Variants in SLC8A1 observed in about 807,000 individuals in gnomAD.
The protein encoded by SLC8A1 is solute carrier family 8 member A1.
In SLC8A1, 18 loss-of-function variants were observed where a neutral mutation model predicts 68.3. That is an observed-to-expected ratio of 0.26 (90% confidence interval 0.18 to 0.39). The LOEUF (loss-of-function observed/expected upper bound fraction) is 0.39, where lower values mean the gene tolerates loss of function less well. SLC8A1 is among the 10% of genes least tolerant of loss of function. SLC8A1 has a pLI of 1.00. For missense variants in SLC8A1, 985 were observed against 1,156.7 expected (o/e 0.85, Z 2.15); for synonymous variants, 475 against 415.5 (o/e 1.14, Z -1.74).
intron 6 of SLC8A1, among the ~76,000 whole-genome samples, chr2:40,157,524 C>G (rs1001449870): frequency 3.3e-5 from 5 of 152,166 alleles, no homozygotes; most frequent in African/African-American, 1.2e-4. Context: ...CATCCTGGTT[C>G]CCTTTATCCA....
At chr2:40,507,390 A>C (rs1706441662) in intron 1 of SLC8A1, among the ~76,000 whole-genome samples, 1 of 152,026 alleles carries the variant, frequency 6.6e-6, no homozygotes, top group South Asian at 2.1e-4. Context: ...ACACTTTGGA[A>C]ATGTTAGTTC....
chr2:40,274,443 G>T (rs368761777), intron 2 of SLC8A1, among the ~76,000 whole-genome samples: 1 of 152,098 alleles, frequency 6.6e-6, no homozygotes, highest in African/African-American at 2.4e-5. Flanking sequence ...GCCATGGAAT[G>T]GGGCTGTCTC....
upstream of SLC8A1, among the ~76,000 whole-genome samples, chr2:40,455,104 T>C (rs1322519519): frequency 2.0e-5 from 3 of 152,186 alleles, no homozygotes. Context: ...GGGATATCAC[T>C]AAGATTTGAT....
At chr2:40,310,277 G>T (rs1421884625) in intron 2 of SLC8A1, among the ~76,000 whole-genome samples, 1 of 152,164 alleles carries the variant, frequency 6.6e-6, no homozygotes, top group Non-Finnish European at 1.5e-5. Context: ...GCACATTTAC[G>T]GTGTAGCCCT....
chr2:40,159,230 T>C (rs576112685), intron 6 of SLC8A1, among the ~76,000 whole-genome samples: 1 of 152,362 alleles, frequency 6.6e-6, no homozygotes, highest in East Asian at 1.9e-4. Flanking sequence ...TACTTTAATG[T>C]ATCTGTCTGA....
chr2:40,348,935 G>A (rs969097980), intron 2 of SLC8A1, among the ~76,000 whole-genome samples: 1 of 152,150 alleles, frequency 6.6e-6, no homozygotes, highest in African/African-American at 2.4e-5. Flanking sequence ...CAGAATAAAT[G>A]AATCTTCCCA....
intron 2 of SLC8A1, among the ~76,000 whole-genome samples, chr2:40,380,732 T>C (rs1681469334): frequency 6.6e-6 from 1 of 152,082 alleles, no homozygotes; most frequent in Non-Finnish European, 1.5e-5. Context: ...TGAGCAATGA[T>C]GGTCCACACT....
At chr2:40,464,168 T>G (rs1043886687) in intron 1 of SLC8A1, among the ~76,000 whole-genome samples, 5 of 152,138 alleles carry the variant, frequency 3.3e-5, no homozygotes, top group African/African-American at 1.2e-4. Flanking sequence ...GTGCTGGGAT[T>G]ACAGGCTTAA....
intron 1 of SLC8A1, among the ~76,000 whole-genome samples, chr2:40,437,926 G>A (rs1699741855): frequency 2.0e-5 from 3 of 152,076 alleles, no homozygotes. Context: ...AGTCCCTTCT[G>A]TGGAAACCAG....
At chr2:40,307,424 A>C (rs1056580990) in intron 2 of SLC8A1, among the ~76,000 whole-genome samples, 2 of 152,178 alleles carry the variant, frequency 1.3e-5, no homozygotes, top group African/African-American at 4.8e-5. Flanking sequence ...ACAGTGTTTT[A>C]ATTTTGTAAG....
intron 1 of SLC8A1, among the ~76,000 whole-genome samples, chr2:40,499,999 C>A (rs1014025547): frequency 3.3e-5 from 5 of 152,040 alleles, no homozygotes; most frequent in Non-Finnish European, 5.9e-5. Context: ...GAGATCAGAA[C>A]AACCTTGAGA....
chr2:40,398,885 T>C (rs546210475), intron 2 of SLC8A1, among the ~76,000 whole-genome samples: 1 of 152,324 alleles, frequency 6.6e-6, no homozygotes, highest in African/African-American at 2.4e-5. Flanking sequence ...AGCAACAGAT[T>C]CTGATGTTTG....
chr2:40,164,311 C>T lies in SLC8A1; in HGVS notation c.2061+543G>A, dbSNP rs141534036. 3.9e-5 allele frequency among the ~76,000 whole-genome samples: 6 copies of T among 152,292 alleles called. No individual in the cohort carries two copies. In the East Asian group the frequency reaches 5.8e-4, roughly 15 times the overall value. On this transcript the variant is annotated intron_variant, in intron 5 of 7. Transcript: ENST00000406785. Reference sequence around the variant, plus strand: ...ATTTTATCAGCTCAACTGTAAACTCCGGTTGCAGGCACTCTGCATTCGGTA... The same window carrying T: ...ATTTTATCAGCTCAACTGTAAACTCTGGTTGCAGGCACTCTGCATTCGGTA...
chr2:40,142,482 T>C (rs2041764054), intron 6 of SLC8A1, among the ~76,000 whole-genome samples: 3 of 152,204 alleles, frequency 2.0e-5, no homozygotes, highest in African/African-American at 7.2e-5. Flanking sequence ...TCACAGGGCA[T>C]ATGAATAAAA....
chr2:40,316,080 C>T (rs1398654544), intron 2 of SLC8A1, among the ~76,000 whole-genome samples: 1 of 152,064 alleles, frequency 6.6e-6, no homozygotes, highest in Non-Finnish European at 1.5e-5. Flanking sequence ...ACCTGAATGT[C>T]TGTCTGTCGA....
At chr2:40,381,389 C>A (rs1452405443) in intron 2 of SLC8A1, among the ~76,000 whole-genome samples, 1 of 152,000 alleles carries the variant, frequency 6.6e-6, no homozygotes, top group East Asian at 1.9e-4. Context: ...TTCCTAGTAT[C>A]TTAGAGATTC....
intron 2 of SLC8A1, among the ~76,000 whole-genome samples, chr2:40,314,883 T>C (rs1575328222): frequency 1.3e-5 from 2 of 152,176 alleles, no homozygotes; most frequent in African/African-American, 4.8e-5. Flanking sequence ...TTACTAGTTT[T>C]AGTGGTTTTA....
At chr2:40,279,495 G>C (rs1274876803) in intron 2 of SLC8A1, among the ~76,000 whole-genome samples, 1 of 152,144 alleles carries the variant, frequency 6.6e-6, no homozygotes, top group Non-Finnish European at 1.5e-5. Flanking sequence ...TTGGGGCACT[G>C]TGACATCTGA....
At chr2:40,248,613 A>G (rs1029221270) in intron 2 of SLC8A1, among the ~76,000 whole-genome samples, 3 of 152,172 alleles carry the variant, frequency 2.0e-5, no homozygotes, top group Non-Finnish European at 4.4e-5. Context: ...GTCCAAATGA[A>G]CTAAGATATC....
Sources: allele counts gnomAD v4.1 joint callset (sites outside exome capture counted in the v4.1 genomes callset), GRCh38; gene constraint gnomAD v4.1.1; transcripts MANE v1.5; gene names NCBI Gene and HGNC (gene_info 2026-07-23, HGNC 2026-07-21).